RAP1GAP2: variants seen among roughly 807,000 people sequenced by gnomAD.
RAP1GAP2 encodes rap1 GTPase-activating protein 2.
RAP1GAP2 carries 27 observed loss-of-function variants against 95.0 expected under a neutral mutation model. The observed-to-expected ratio is 0.28, with a 90% CI of 0.21 to 0.39. RAP1GAP2 has a LOEUF of 0.39. Among genes scored for constraint, RAP1GAP2 ranks in the 10% least tolerant of loss-of-function variants. RAP1GAP2 has a pLI of 1.00. For missense variants in RAP1GAP2, 771 were observed against 970.0 expected (o/e 0.79, Z 2.72); for synonymous variants, 373 against 380.9 (o/e 0.98, Z 0.24).
intron 2 of RAP1GAP2, among the ~76,000 whole-genome samples, chr17:2,842,703 G>A (rs1304085716): frequency 1.3e-5 from 2 of 152,028 alleles, no homozygotes; most frequent in African/African-American, 4.8e-5. Flanking sequence ...GGCTGGTGGT[G>A]TGAGGCTCTG....
intron 3 of RAP1GAP2, among the ~76,000 whole-genome samples, chr17:2,939,058 C>T (rs1019530228): frequency 6.6e-6 from 1 of 152,170 alleles, no homozygotes; most frequent in African/African-American, 2.4e-5. Context: ...TGCCTCTGCA[C>T]ACCCCTTTCC....
intron 2 of RAP1GAP2, among the ~76,000 whole-genome samples, chr17:2,843,517 C>G (rs1230770405): frequency 1.3e-5 from 2 of 151,976 alleles, no homozygotes; most frequent in Non-Finnish European, 2.9e-5. Flanking sequence ...GAACTCCTGA[C>G]CTCAAGTGAT....
At chr17:2,765,082 G>C (rs1478566535) in intron 1 of RAP1GAP2, among the ~76,000 whole-genome samples, 1 of 152,190 alleles carries the variant, frequency 6.6e-6, no homozygotes, top group Non-Finnish European at 1.5e-5. Context: ...CTACTTTTGA[G>C]CCAGGTTTTA....
At chr17:2,786,442 A>G (rs1449747439) in intron 1 of RAP1GAP2, among the ~76,000 whole-genome samples, 1 of 152,102 alleles carries the variant, frequency 6.6e-6, no homozygotes, top group African/African-American at 2.4e-5. Context: ...CGCACCACCC[A>G]AGCTTGCCTG....
In RAP1GAP2 at chr17:2,999,551, C is replaced by G. The variant is rs186915925; in HGVS notation, c.1200+1175C>G. Among the ~76,000 whole-genome samples the G allele has an allele frequency of 6.9e-4, 105 of 152,310 alleles. No homozygotes were observed. In the East Asian group the frequency reaches 0.018, roughly 26 times the overall value. On this transcript the variant is annotated intron_variant, in intron 14 of 24. Transcript: ENST00000254695. ...GAAAATGTTTCCCGTCAAATAATTT[C>G]AGCCCATCCTGATTCCTGGGGTTCA...
At chr17:2,873,532 G>C (rs1030711704) in intron 2 of RAP1GAP2, among the ~76,000 whole-genome samples, 3 of 138,048 alleles carry the variant, frequency 2.2e-5, no homozygotes, top group Non-Finnish European at 4.6e-5. Context: ...CTGCAGAAAG[G>C]TGTGTAAAGA....
At chr17:2,909,971 T>C (rs1455162584) in intron 3 of RAP1GAP2, among the ~76,000 whole-genome samples, 1 of 152,196 alleles carries the variant, frequency 6.6e-6, no homozygotes, top group Non-Finnish European at 1.5e-5. Flanking sequence ...GGAGTCTGTC[T>C]ATGGCGAGGA....
intron 8 of RAP1GAP2, among the ~76,000 whole-genome samples, chr17:2,976,674 G>A (rs1163760975): frequency 6.6e-6 from 1 of 151,820 alleles, no homozygotes; most frequent in Non-Finnish European, 1.5e-5. Context: ...AAAATAGAAG[G>A]AAGGAAATAA....
chr17:2,814,809 G>A (rs896796646), intron 2 of RAP1GAP2, among the ~76,000 whole-genome samples: 2 of 152,178 alleles, frequency 1.3e-5, no homozygotes, highest in African/African-American at 4.8e-5. Flanking sequence ...AGACCACAAA[G>A]CCACATAACT....
At chr17:2,973,564 T>C (rs2044965195) in intron 8 of RAP1GAP2, among the ~76,000 whole-genome samples, 1 of 152,040 alleles carries the variant, frequency 6.6e-6, no homozygotes, top group East Asian at 1.9e-4. Flanking sequence ...AAGAAATAAT[T>C]GTAGAAATAA....
chr17:2,965,688 GCT>G lies in RAP1GAP2; in HGVS notation c.596+49_596+50del. ...TGAGGCCACTTCTCTTCCAGGCAGG[GCT>G]CTCATCGGTGGTGTGGGGGCTGGGA... On this transcript the variant is annotated intron_variant, in intron 8 of 24. Transcript: ENST00000254695. The surrounding 1 kb of genome is among the most constrained non-coding windows in gnomAD (Gnocchi z 4.7). 1 of 1,400,710 alleles carries G rather than the reference GCT, an allele frequency of 7.1e-7. No individual in the cohort carries two copies. Among genetic ancestry groups the G allele is most frequent in the South Asian group, 1.2e-5 (1 of 82,000 alleles). 86.8% of individuals were successfully genotyped at this position (1,400,710 alleles called of 1,614,324 possible). A position where few individuals can be genotyped will look rare whatever the true frequency, so the allele number is the denominator to read the frequency against.
chr17:2,796,202 T>C (rs2069075886), upstream of RAP1GAP2, among the ~76,000 whole-genome samples: 1 of 152,138 alleles, frequency 6.6e-6, no homozygotes, highest in African/African-American at 2.4e-5. The surrounding 1 kb of genome is among the most constrained non-coding windows in gnomAD (Gnocchi z 4.7). Context: ...AAGCTGGGGC[T>C]GTGTGGGCCG....
rs1253673777 is a variant in RAP1GAP2 at position 2,827,868 on chromosome 17, A to C, written c.80+27318A>C. 2.6e-5 allele frequency among the ~76,000 whole-genome samples: 4 copies of C among 151,626 alleles called. No homozygotes were observed. The highest frequency in any genetic ancestry group is 4.4e-5 in the Non-Finnish European group (3 of 67,972). On this transcript the variant is annotated intron_variant, in intron 2 of 24. Coordinates refer to ENST00000254695, the MANE Select transcript of RAP1GAP2 (RefSeq NM_015085.5). This position sits in a 1 kb window ranked among gnomAD's most constrained non-coding sequence, Gnocchi z 4.1. ...GGAGGGTTCATACACGATCGGTTGC[A>C]GCAGGCACGCCAGTGACGGTGGGGG...
In RAP1GAP2 at chr17:2,802,666, G is replaced by A. The variant is rs539567762; in HGVS notation, c.80+2116G>A. Among the ~76,000 whole-genome samples, 6 of 152,168 alleles carry A rather than the reference G, an allele frequency of 3.9e-5. No individual in the cohort carries two copies. In the East Asian group the frequency reaches 1.2e-3, roughly 29 times the overall value. ...GTGGAGGTTGCAGTGAGGCGAGATCGCACCACAGCCTGGGAGACAAGAGTG... is the reference window on the plus strand; with the variant it reads ...GTGGAGGTTGCAGTGAGGCGAGATCACACCACAGCCTGGGAGACAAGAGTG... On this transcript the variant is annotated intron_variant, in intron 2 of 24. Coordinates refer to ENST00000254695, the MANE Select transcript of RAP1GAP2 (RefSeq NM_015085.5).
chr17:3,004,938 G>T lies in RAP1GAP2; in HGVS notation c.1201-431G>T, dbSNP rs2046286905. ...GGTCTGGATGCTCTGTTCCTCTGCG[G>T]CTAATCACCTGTGGGACTTGGGGGC... is the stretch of plus-strand genomic sequence containing the variant. On this transcript the variant is annotated intron_variant, in intron 14 of 24. Transcript: ENST00000254695. The surrounding 1 kb of genome is among the most constrained non-coding windows in gnomAD (Gnocchi z 4.1). Among the ~76,000 whole-genome samples, 1 of 152,204 alleles carries T rather than the reference G, an allele frequency of 6.6e-6. No individual in the cohort carries two copies.
chr17:2,901,080 C>T (rs970131840), intron 2 of RAP1GAP2, among the ~76,000 whole-genome samples: 1 of 152,216 alleles, frequency 6.6e-6, no homozygotes, highest in South Asian at 2.1e-4. Flanking sequence ...AGCTTCCACT[C>T]CAGGCCCCTT....
intron 2 of RAP1GAP2, among the ~76,000 whole-genome samples, chr17:2,770,669 C>T (rs957075231): frequency 2.6e-5 from 4 of 152,212 alleles, no homozygotes; most frequent in Non-Finnish European, 4.4e-5. Context: ...CTCTATAAAA[C>T]GGATAGGATC....
At chr17:2,875,993 A>G (rs372106888) in intron 2 of RAP1GAP2, among the ~76,000 whole-genome samples, 2 of 150,832 alleles carry the variant, frequency 1.3e-5, no homozygotes, top group South Asian at 2.1e-4. Flanking sequence ...GCTGGAGTGC[A>G]ATGATGCGAT....
At chr17:2,796,380 C>T (rs957362019), upstream of RAP1GAP2, 16 of 820,152 alleles carry the variant, frequency 2.0e-5, no homozygotes, top group Admixed American at 2.4e-4. The surrounding 1 kb of genome is among the most constrained non-coding windows in gnomAD (Gnocchi z 4.7). Flanking sequence ...ACAGGAAGCT[C>T]GGGTTGGGGG....
Sources: allele counts gnomAD v4.1 joint callset (sites outside exome capture counted in the v4.1 genomes callset), GRCh38; gene constraint gnomAD v4.1.1; non-coding constraint Gnocchi (gnomAD v3.1); transcripts MANE v1.5; gene names NCBI Gene and HGNC (gene_info 2026-07-23, HGNC 2026-07-21).